MAST3: variants seen among roughly 807,000 people sequenced by gnomAD.
The protein encoded by MAST3 is microtubule associated serine/threonine kinase 3.
In MAST3, 43 loss-of-function variants were observed where a neutral mutation model predicts 127.0. That is an observed-to-expected ratio of 0.34 (90% CI 0.27 to 0.44). The LOEUF (loss-of-function observed/expected upper bound fraction) is 0.44, where lower values mean the gene tolerates loss of function less well. Among genes scored for constraint, MAST3 ranks in the 20% least tolerant of loss-of-function variants. The pLI, the probability that MAST3 is intolerant of heterozygous loss-of-function variation, is 1.00. For missense variants in MAST3, 1,390 were observed against 1,919.1 expected, an observed-to-expected ratio of 0.72 and a Z score of 5.15; for synonymous variants, 785 against 809.2, an observed-to-expected ratio of 0.97 and a Z score of 0.51.
chr19:18,110,180 C>T lies in MAST3; in HGVS notation c.72-472C>T. The T allele has an allele frequency of 8.1e-6, 8 of 985,450 alleles. No individual in the cohort carries two copies. Among genetic ancestry groups the T allele is most frequent in the Non-Finnish European group, 9.6e-6 (8 of 829,954 alleles). 61.0% of individuals were successfully genotyped at this position (985,450 alleles called of 1,614,324 possible). A position where few individuals can be genotyped will look rare whatever the true frequency, so the allele number is the denominator to read the frequency against. ...GCCCCCAGCGGCCCAGCCCCCGCGTCTAGTCTGCCGCACCAGCCAGGCGTC... is the reference window on the plus strand; with the variant it reads ...GCCCCCAGCGGCCCAGCCCCCGCGTTTAGTCTGCCGCACCAGCCAGGCGTC... On this transcript the variant is annotated intron_variant, in intron 2 of 27. Transcript: ENST00000687212. The surrounding 1 kb of genome is among the most constrained non-coding windows in gnomAD (Gnocchi z 4.3).
At position 18,144,716 on chromosome 19, in the gene MAST3, C is replaced by G. The variant is rs746665418; in HGVS notation, c.2812+23C>G. 11 of 1,601,674 alleles carry G rather than the reference C, an allele frequency of 6.9e-6. No individual in the cohort carries two copies. Among genetic ancestry groups the G allele is most frequent in the Non-Finnish European group, 8.5e-6 (10 of 1,178,642 alleles). On this transcript the variant is annotated intron_variant, in intron 23 of 27. Coordinates refer to ENST00000687212, the MANE Select transcript of MAST3 (RefSeq NM_001393504.1). This position sits in a 1 kb window ranked among gnomAD's most constrained non-coding sequence, Gnocchi z 4.0. ...CAGGTAATGCCCAAGGCCCCTCTCA[C>G]CTTTGTCTGTCTGCACCCATTTTCA...
chr19:18,144,858 G>T lies in MAST3; in HGVS notation c.2813-145G>T. The T allele has an allele frequency of 1.1e-6, 1 of 875,416 alleles. No homozygotes were observed. The highest frequency in any genetic ancestry group is 1.8e-6 in the Non-Finnish European group (1 of 547,862). The allele number at this position is 875,416 out of a possible 1,614,324, so 54.2% of individuals were successfully genotyped here. ...GATGGTGTTCCCAGTAGAGGGCACTGCACGTGCAAAGGCCTGGTGGGGTGA... is the reference window on the plus strand; with the variant it reads ...GATGGTGTTCCCAGTAGAGGGCACTTCACGTGCAAAGGCCTGGTGGGGTGA... On this transcript the variant is annotated intron_variant, in intron 23 of 27. Transcript: ENST00000687212. This position sits in a 1 kb window ranked among gnomAD's most constrained non-coding sequence, Gnocchi z 4.0.
At position 18,129,151 on chromosome 19, in the gene MAST3, A is replaced by G. The variant is rs1159226602; in HGVS notation, c.1223+200A>G. 5 of 593,142 alleles carry G rather than the reference A, an allele frequency of 8.4e-6. No individual in the cohort carries two copies. The Admixed American group carries it at 8.8e-5, about 10-fold the overall frequency. 36.7% of individuals were successfully genotyped at this position (593,142 alleles called of 1,614,324 possible). A position where few individuals can be genotyped will look rare whatever the true frequency, so the allele number is the denominator to read the frequency against. On this transcript the variant is annotated intron_variant, in intron 13 of 27. Coordinates refer to ENST00000687212, the MANE Select transcript of MAST3 (RefSeq NM_001393504.1). ...TTACAGCCTCATGTGTGCTCTGTCCACGAGCCAGGCCTTTACCTGCCCCAG... is the reference window on the plus strand; with the variant it reads ...TTACAGCCTCATGTGTGCTCTGTCCGCGAGCCAGGCCTTTACCTGCCCCAG...
chr19:18,109,856 G>C (rs909750678), intron 2 of MAST3: 10 of 821,552 alleles, frequency 1.2e-5, no homozygotes, highest in African/African-American at 1.9e-5. Context: ...AGTTGGGGCG[G>C]ACTGCGCTCA....
At chr19:18,106,866 T>C (rs906418386) in intron 1 of MAST3, among the ~76,000 whole-genome samples, 4 of 151,340 alleles carry the variant, frequency 2.6e-5, no homozygotes, top group Non-Finnish European at 5.9e-5. Context: ...CCACTGCGCC[T>C]GACCGGCCCG....
At chr19:18,111,752 G>A (rs552300527) in intron 3 of MAST3, among the ~76,000 whole-genome samples, 8 of 151,858 alleles carry the variant, frequency 5.3e-5, no homozygotes, top group African/African-American at 1.9e-4. Flanking sequence ...CAGGCTGGTC[G>A]CAAACCCCTC....
At chr19:18,109,727 A>G (rs1453112505) in intron 2 of MAST3, among the ~76,000 whole-genome samples, 1 of 152,168 alleles carries the variant, frequency 6.6e-6, no homozygotes, top group African/African-American at 2.4e-5. Context: ...TGGCAGAGGA[A>G]ACAGCTGGAA....
chr19:18,137,388 G>C lies in MAST3; in HGVS notation c.2095+27G>C, dbSNP rs574527821. On this transcript the variant is annotated intron_variant, in intron 19 of 27. Transcript: ENST00000687212. ...TAAGGAGGGATCCCCCTGGAGGGGG[G>C]GCGGGGGGTGCTCTGCCATCCCTCA... is the stretch of plus-strand genomic sequence containing the variant. 6 of 1,605,180 alleles carry C rather than the reference G, an allele frequency of 3.7e-6. 1 individual carries two copies. In the South Asian group the frequency reaches 4.4e-5, roughly 12 times the overall value.
chr19:18,098,986 G>T, intron 1 of MAST3: 1 of 330,756 alleles, frequency 3.0e-6, no homozygotes, highest in Non-Finnish European at 6.1e-6. Context: ...GGCAGCCAAG[G>T]GTGGCGAGGC....
Position 18,123,985 on chromosome 19 carries a change from A to G in MAST3, c.680A>G (p.Tyr227Cys), listed in dbSNP as rs2040297737. ...EGRLQEFLTAYAPGARLALAD... is the reference protein window; with the variant it reads ...EGRLQEFLTACAPGARLALAD... ...CGTCTGCAGGAGTTCCTGACGGCCTACGCGCCCGGCGCCCGGCTGGCGCTG... is the reference window on the plus strand; with the variant it reads ...CGTCTGCAGGAGTTCCTGACGGCCTGCGCGCCCGGCGCCCGGCTGGCGCTG... The change falls in exon 9 of 28, where the codon TAC becomes TGC. Residue 227 changes from tyrosine to cysteine, a missense_variant. Physicochemically the swap from Tyr to Cys is radical, Grantham distance 194. This residue lies in a region of MAST3 where 277 missense variants were observed against 384.8 expected (regional missense o/e 0.72). Coordinates refer to ENST00000687212, the MANE Select transcript of MAST3 (RefSeq NM_001393504.1). 6.3e-7 allele frequency: 1 copy of G among 1,588,936 alleles called. No individual in the cohort carries two copies.
chr19:18,123,543 C>A, intron 7 of MAST3, 37 bp from the exon 8 acceptor site: 1 of 1,502,460 alleles, frequency 6.7e-7, no homozygotes, highest in Admixed American at 2.3e-5. Flanking sequence ...GGGTTGGTCT[C>A]AGGTCCCATA....
At chr19:18,103,542 C>CAAAA (rs2037823686) in intron 1 of MAST3, among the ~76,000 whole-genome samples, 1 of 152,010 alleles carries the variant, frequency 6.6e-6, no homozygotes, top group South Asian at 2.1e-4. Context: ...CATCTGAAAA[C>CAAAA]AAACAAACAA....
chr19:18,132,025 C>T lies in MAST3; in HGVS notation c.1549C>T (p.His517Tyr). The T allele has an allele frequency of 1.9e-6, 3 of 1,614,168 alleles. No homozygotes were observed. The highest frequency in any genetic ancestry group is 2.5e-6 in the Non-Finnish European group (3 of 1,180,034). Residue 517 changes from histidine to tyrosine, a missense_variant, in exon 15 of 28, where the codon CAC becomes TAC. His to Tyr is a moderately conservative substitution (Grantham distance 83, BLOSUM62 2). Around this residue, in one of 5 missense-constraint regions of MAST3, gnomAD observed 191 missense variants for 409.0 expected, o/e 0.47. Coordinates refer to ENST00000687212, the MANE Select transcript of MAST3 (RefSeq NM_001393504.1). ...GTACCTGCATAACTATGGCATCGTG[C>T]ACCGTGACCTCAAACCAGACAAGTG... ...LEYLHNYGIV[H>Y]RDLKPDNLLI...
Position 18,112,149 on chromosome 19 carries a change from G to A in MAST3, c.161+1408G>A, listed in dbSNP as rs983094984. 1.3e-5 allele frequency among the ~76,000 whole-genome samples: 2 copies of A among 152,210 alleles called. No homozygotes were observed. Among genetic ancestry groups the A allele is most frequent in the African/African-American group, 4.8e-5 (2 of 41,448 alleles). ...TGCATGTGCAAAGGTCCTGTGGCAG[G>A]ACTGAGGTGGTGGGTTTTTTGTTTT... On this transcript the variant is annotated intron_variant, in intron 3 of 27. Coordinates refer to ENST00000687212, the MANE Select transcript of MAST3 (RefSeq NM_001393504.1). The surrounding 1 kb of genome is among the most constrained non-coding windows in gnomAD (Gnocchi z 4.1).
chr19:18,119,156 G>A (rs2039650764), intron 3 of MAST3, among the ~76,000 whole-genome samples: 1 of 152,148 alleles, frequency 6.6e-6, no homozygotes, highest in South Asian at 2.1e-4. Flanking sequence ...ATAGATGCTT[G>A]GGAAGTGAAC....
intron 17 of MAST3, 44 bp downstream of exon 17, chr19:18,135,026 A>G: frequency 1.3e-6 from 2 of 1,552,102 alleles, no homozygotes; most frequent in Non-Finnish European, 1.7e-6. Context: ...CAGCCCCACC[A>G]GAGCTCTGGG....
At chr19:18,134,488 C>A in intron 15 of MAST3, 91 bp from the exon 16 acceptor site, 1 of 1,472,064 alleles carries the variant, frequency 6.8e-7, no homozygotes, top group Admixed American at 2.4e-5. Context: ...CAGAGCTCTG[C>A]CCATCTCAGG....
chr19:18,098,544 G>A (rs372417344), intron 1 of MAST3, among the ~76,000 whole-genome samples: 6 of 152,134 alleles, frequency 3.9e-5, no homozygotes, highest in African/African-American at 1.2e-4. Flanking sequence ...TAGGGACACA[G>A]GCGTCGGGGA....
In MAST3 at chr19:18,124,373, T is replaced by C; in HGVS notation, c.945+7T>C. ...TCGGCTGCTGGAGTGTCTGGTAAGT[T>C]TCTCTTTCTACGGCCAGCTTGGGGT... On this transcript the variant is annotated splice_region_variant and intron_variant, in intron 10 of 27. Coordinates refer to ENST00000687212, the MANE Select transcript of MAST3 (RefSeq NM_001393504.1). The C allele has an allele frequency of 6.3e-7, 1 of 1,591,962 alleles. No individual in the cohort carries two copies. The highest frequency in any genetic ancestry group is 8.6e-7 in the Non-Finnish European group (1 of 1,169,154).
Sources: allele counts gnomAD v4.1 joint callset (sites outside exome capture counted in the v4.1 genomes callset), GRCh38; gene constraint gnomAD v4.1.1; regional missense constraint gnomAD v4.1.1; non-coding constraint Gnocchi (gnomAD v3.1); transcripts MANE v1.5; gene names NCBI Gene and HGNC (gene_info 2026-07-23, HGNC 2026-07-21).